Variants in MAFF observed in about 807,000 individuals in gnomAD.
MAFF encodes MAF bZIP transcription factor F, also known as transcription factor MafF.
In MAFF, 4 loss-of-function variants were observed where a neutral mutation model predicts 2.7. That is an observed-to-expected ratio of 1.48 (90% CI 0.73 to 3.39). The LOEUF is 3.39. Ranked by LOEUF, MAFF falls within the 30% of genes most tolerant of loss-of-function variation. The pLI, the probability that MAFF is intolerant of heterozygous loss-of-function variation, is 0.01. For synonymous variants in MAFF, 113 were observed against 119.4 expected (o/e 0.95, Z 0.35); for missense variants, 190 against 246.6 (o/e 0.77, Z 1.54).
intron 1 of MAFF, among the ~76,000 whole-genome samples, chr22:38,206,516 A>AT (rs10551302): frequency 0.017 from 2,511 of 148,538 alleles, 71 homozygotes; most frequent in African/African-American, 0.059. Context: ...TAATTTTTGC[A>AT]TTTTTTTTTT....
intron 1 of MAFF, among the ~76,000 whole-genome samples, chr22:38,210,016 A>G (rs1476456214): frequency 6.6e-6 from 1 of 152,060 alleles, no homozygotes; most frequent in Admixed American, 6.5e-5. Flanking sequence ...TGAGCCCCCT[A>G]GGATTTGGAG....
intron 1 of MAFF, among the ~76,000 whole-genome samples, chr22:38,210,272 G>A (rs1204172081): frequency 6.6e-6 from 1 of 152,190 alleles, no homozygotes; most frequent in African/African-American, 2.4e-5. Flanking sequence ...GGGGATCTCT[G>A]CAAGCGCCAA....
chr22:38,211,207 G>A (rs1602335417), intron 1 of MAFF, among the ~76,000 whole-genome samples: 1 of 151,134 alleles, frequency 6.6e-6, no homozygotes, highest in Non-Finnish European at 1.5e-5. Context: ...TGAGGTTGGA[G>A]AAGGGATGCT....
chr22:38,210,202 C>A (rs188054078), intron 1 of MAFF, among the ~76,000 whole-genome samples: 2 of 152,218 alleles, frequency 1.3e-5, no homozygotes, highest in African/African-American at 4.8e-5. Context: ...CTACCCCCAG[C>A]GAAACCTGGG....
chr22:38,206,893 A>G (rs768037766), intron 1 of MAFF, among the ~76,000 whole-genome samples: 37 of 152,032 alleles, frequency 2.4e-4, no homozygotes, highest in African/African-American at 8.2e-4. Context: ...CAGCTCCCCA[A>G]ACGGCTGGTA....
At chr22:38,209,165 AC>A (rs1180065080) in intron 1 of MAFF, among the ~76,000 whole-genome samples, 2 of 151,918 alleles carry the variant, frequency 1.3e-5, no homozygotes, top group Non-Finnish European at 2.9e-5. Flanking sequence ...TCCCGGGTTC[AC>A]GCCATTCTCC....
At chr22:38,204,959 G>A (rs558032653) in intron 1 of MAFF, among the ~76,000 whole-genome samples, 1 of 152,220 alleles carries the variant, frequency 6.6e-6, no homozygotes, top group African/African-American at 2.4e-5. Context: ...CGGAGGGCAA[G>A]GCAAGAGGCT....
rs916207648 is a variant in MAFF, at chr22:38,213,840, C to T, written c.-14C>T. On this transcript the variant is annotated 5_prime_UTR_variant, in exon 2 of 3. Coordinates refer to ENST00000338483, the MANE Select transcript of MAFF (RefSeq NM_012323.4). ...TACCCTAGGTCTGCAGCCCAGAGGGCACCTTCTGCAAACATGTCTGTGGAT... is the reference window on the plus strand; with the variant it reads ...TACCCTAGGTCTGCAGCCCAGAGGGTACCTTCTGCAAACATGTCTGTGGAT... 3.7e-6 allele frequency: 6 copies of T among 1,613,778 alleles called. No homozygotes were observed. Among genetic ancestry groups the T allele is most frequent in the Non-Finnish European group, 5.1e-6 (6 of 1,179,746 alleles).
intron 1 of MAFF, 35 bp from the exon 2 acceptor site, chr22:38,213,788 A>G: frequency 6.5e-7 from 1 of 1,526,914 alleles, no homozygotes; most frequent in South Asian, 1.1e-5. Context: ...GAAACCAAAA[A>G]CAAAACAGTG....
chr22:38,214,022 A>C lies in MAFF; in HGVS notation c.36+133A>C. On this transcript the variant is annotated intron_variant, in intron 2 of 2. Transcript: ENST00000338483. This position sits in a 1 kb window ranked among gnomAD's most constrained non-coding sequence, Gnocchi z 6.3. ...CAGGCACCAGGCCTTCATGATGCCA[A>C]AGGGAAGGGCCACAGCCATGGGCTG... 2.2e-6 allele frequency: 2 copies of C among 922,992 alleles called. No individual in the cohort carries two copies. The highest frequency in any genetic ancestry group is 3.4e-6 in the Non-Finnish European group (2 of 591,072). 57.2% of individuals were successfully genotyped at this position (922,992 alleles called of 1,614,324 possible). A position where few individuals can be genotyped will look rare whatever the true frequency, so the allele number is the denominator to read the frequency against.
chr22:38,212,922 G>A (rs1005900665), intron 1 of MAFF, among the ~76,000 whole-genome samples: 1 of 152,154 alleles, frequency 6.6e-6, no homozygotes, highest in African/African-American at 2.4e-5. Context: ...AGCACTTTGG[G>A]AGGCTGAGGC....
At chr22:38,213,104 G>C in intron 1 of MAFF, among the ~76,000 whole-genome samples, 1 of 150,894 alleles carries the variant, frequency 6.6e-6, no homozygotes, top group East Asian at 2.0e-4. Flanking sequence ...TTGAACACGG[G>C]AGGCGGAGGT....
At position 38,214,827 on chromosome 22, in the gene MAFF, T is replaced by TGGCCCCGCCCACGGCCCGGACCCC; in HGVS notation, c.446_469dup (p.Gly149_Pro156dup). 1 of 1,495,796 alleles carries TGGCCCCGCCCACGGCCCGGACCCC rather than the reference T, an allele frequency of 6.7e-7. No homozygotes were observed. The allele number at this position is 1,495,796 out of a possible 1,614,324, so 92.7% of individuals were successfully genotyped here. On this transcript the variant is annotated inframe_insertion, in exon 3 of 3. Coordinates refer to ENST00000338483, the MANE Select transcript of MAFF (RefSeq NM_012323.4). This position sits in a 1 kb window ranked among gnomAD's most constrained non-coding sequence, Gnocchi z 6.3. ...TCAAGTCCACCCCGGGCTCGGGGTC[T>TGGCCCCGCCCACGGCCCGGACCCC]GGCCCCGCCCACGGCCCGGACCCCG...
rs1050974402 is a variant in MAFF at position 38,214,945 on chromosome 22, G to A, written c.*67G>A. ...AGCTCCCTCCCCAAAGTGCCTGAGC[G>A]CCGCCTCTGTGCCCAGGTCCCATTT... On this transcript the variant is annotated 3_prime_UTR_variant, in exon 3 of 3. Transcript: ENST00000338483. The surrounding 1 kb of genome is among the most constrained non-coding windows in gnomAD (Gnocchi z 6.3). 27 of 1,207,836 alleles carry A rather than the reference G, an allele frequency of 2.2e-5. No individual in the cohort carries two copies. The highest frequency in any genetic ancestry group is 1.6e-4 in the African/African-American group (10 of 64,090). 74.8% of individuals were successfully genotyped at this position (1,207,836 alleles called of 1,614,324 possible).
intron 1 of MAFF, among the ~76,000 whole-genome samples, chr22:38,207,585 G>A (rs993345045): frequency 1.6e-4 from 22 of 135,938 alleles, no homozygotes; most frequent in African/African-American, 5.5e-4. Context: ...GACTACAGGC[G>A]CCCACCACCA....
In MAFF at chr22:38,215,043, A is replaced by C; in HGVS notation, c.*165A>C. The C allele has an allele frequency of 4.2e-5, 25 of 597,166 alleles. No homozygotes were observed. The highest frequency in any genetic ancestry group is 6.4e-5 in the Non-Finnish European group (21 of 327,898). The allele number at this position is 597,166 out of a possible 1,614,324, so 37.0% of individuals were successfully genotyped here. On this transcript the variant is annotated 3_prime_UTR_variant, in exon 3 of 3. Transcript: ENST00000338483. Reference sequence around the variant, plus strand: ...CTGTCTTCCTCTTGCAGCCCCCCAAACTGGGACCGAATGACCCTGGGAAGG... The same window carrying C: ...CTGTCTTCCTCTTGCAGCCCCCCAACCTGGGACCGAATGACCCTGGGAAGG...
chr22:38,204,950 G>A (rs181489063), intron 1 of MAFF, among the ~76,000 whole-genome samples: 4 of 152,146 alleles, frequency 2.6e-5, no homozygotes, highest in East Asian at 1.9e-4. Context: ...GATTGGAGAC[G>A]GAGGGCAAGG....
chr22:38,215,034 G>GC lies in MAFF; in HGVS notation c.*162dup, dbSNP rs770831565. The GC allele has an allele frequency of 1.6e-6, 1 of 643,984 alleles. No individual in the cohort carries two copies. The highest frequency in any genetic ancestry group is 1.8e-5 in the South Asian group (1 of 55,542). 39.9% of individuals were successfully genotyped at this position (643,984 alleles called of 1,614,324 possible). ...TCGTGGGCCCTGTCTTCCTCTTGCA[G>GC]CCCCCCAAACTGGGACCGAATGACC... On this transcript the variant is annotated 3_prime_UTR_variant, in exon 3 of 3. Coordinates refer to ENST00000338483, the MANE Select transcript of MAFF (RefSeq NM_012323.4).
At chr22:38,210,623 A>AGTGTGTGT (rs71195095) in intron 1 of MAFF, among the ~76,000 whole-genome samples, 20,363 of 132,870 alleles carry the variant, frequency 0.15, 1,737 homozygotes, top group Admixed American at 0.19. Context: ...GGACACAGGG[A>AGTGTGTGT]GTGTGTGTGT....
Sources: gnomAD v4.1 joint callset for allele counts (sites outside exome capture counted in the v4.1 genomes callset) on GRCh38, gnomAD v4.1.1 for gene constraint, Gnocchi (gnomAD v3.1) non-coding constraint, MANE v1.5 for transcripts, NCBI Gene and HGNC (gene_info 2026-07-23, HGNC 2026-07-21) for gene names.